Variants in ATF2 observed in about 807,000 individuals in gnomAD.
The protein encoded by ATF2 is activating transcription factor 2, also known as cyclic AMP-dependent transcription factor ATF-2.
A neutral mutation model predicts 60.6 loss-of-function variants in ATF2; 24 were observed. That is an observed-to-expected ratio of 0.40 (90% CI 0.29 to 0.56). The LOEUF (loss-of-function observed/expected upper bound fraction) is 0.56. ATF2 is among the 20% of genes least tolerant of loss of function. The pLI is 0.54. For synonymous variants in ATF2, 206 were observed against 215.4 expected, an observed-to-expected ratio of 0.96 and a Z score of 0.38; for missense variants, 433 against 607.7, an observed-to-expected ratio of 0.71 and a Z score of 3.02.
intron 10 of ATF2, among the ~76,000 whole-genome samples, chr2:175,103,026 C>A (rs1313665357): frequency 6.6e-6 from 1 of 152,178 alleles, no homozygotes; most frequent in Non-Finnish European, 1.5e-5. Context: ...GCTGACCAAT[C>A]TGACACATTC....
At chr2:175,122,706 A>G (rs1225105549) in intron 4 of ATF2, among the ~76,000 whole-genome samples, 1 of 152,026 alleles carries the variant, frequency 6.6e-6, no homozygotes, top group Non-Finnish European at 1.5e-5. Context: ...AGCACCTATC[A>G]TATTTTCATA....
At chr2:175,112,023 T>C (rs1048569084) in intron 9 of ATF2, among the ~76,000 whole-genome samples, 2 of 152,230 alleles carry the variant, frequency 1.3e-5, no homozygotes, top group Non-Finnish European at 2.9e-5. Flanking sequence ...TAAAAAATAA[T>C]TTCAACAATG....
chr2:175,117,145 T>C (rs1696631319), intron 7 of ATF2, among the ~76,000 whole-genome samples: 1 of 151,928 alleles, frequency 6.6e-6, no homozygotes. Context: ...TATGTGCTAA[T>C]AGGTGATTTT....
Position 175,156,169 on chromosome 2 carries a change from G to A in ATF2, c.-142-5011C>T, listed in dbSNP as rs149672315. On this transcript the variant is annotated intron_variant, in intron 1 of 13. Coordinates refer to ENST00000264110, the MANE Select transcript of ATF2 (RefSeq NM_001880.4). ...GCGGATCACCTGAGGTCAGGAGTTC[G>A]AGACCAGCCTGGCCAACATGGTGAA... Among the ~76,000 whole-genome samples, 42 of 151,722 alleles carry A rather than the reference G, an allele frequency of 2.8e-4. No homozygotes were observed. The East Asian group carries it at 7.4e-3, about 27-fold the overall frequency.
intron 7 of ATF2, among the ~76,000 whole-genome samples, chr2:175,115,950 C>T (rs1696528411): frequency 1.3e-5 from 2 of 152,006 alleles, no homozygotes; most frequent in African/African-American, 4.8e-5. Context: ...GAGAGCATTT[C>T]ATTGTAGGGA....
intron 1 of ATF2, among the ~76,000 whole-genome samples, chr2:175,165,461 G>C (rs1700293157): frequency 6.6e-6 from 1 of 152,190 alleles, no homozygotes; most frequent in Admixed American, 6.5e-5. Flanking sequence ...TACCAGACAA[G>C]AACGTATGTA....
chr2:175,129,223 A>G (rs1382716217), intron 4 of ATF2, among the ~76,000 whole-genome samples: 2 of 152,172 alleles, frequency 1.3e-5, no homozygotes, highest in African/African-American at 2.4e-5. Context: ...CATACATACT[A>G]TATGATTCCA....
chr2:175,152,927 T>G (rs1699407199), intron 1 of ATF2, among the ~76,000 whole-genome samples: 1 of 152,232 alleles, frequency 6.6e-6, no homozygotes, highest in African/African-American at 2.4e-5. Context: ...AATTGTTTCT[T>G]TCAGAGAAAT....
At chr2:175,108,405 G>C (rs1476296373) in intron 10 of ATF2, among the ~76,000 whole-genome samples, 1 of 151,080 alleles carries the variant, frequency 6.6e-6, no homozygotes, top group Non-Finnish European at 1.5e-5. Context: ...CGCCCCGTCC[G>C]GGAGGGAGGT....
At chr2:175,150,853 T>TTA (rs1699267570) in intron 2 of ATF2, among the ~76,000 whole-genome samples, 1 of 152,184 alleles carries the variant, frequency 6.6e-6, no homozygotes, top group Non-Finnish European at 1.5e-5. Context: ...CATTGTGCTT[T>TTA]TATATGCTCA....
At chr2:175,114,546 C>T (rs548556034) in intron 8 of ATF2, 144 bp downstream of exon 8, 11 of 1,384,084 alleles carry the variant, frequency 7.9e-6, no homozygotes, top group East Asian at 7.7e-5. Flanking sequence ...AAGAAGACTA[C>T]GCAAGTACTT....
chr2:175,137,205 G>A (rs1698198276), intron 2 of ATF2, among the ~76,000 whole-genome samples: 1 of 152,172 alleles, frequency 6.6e-6, no homozygotes, highest in Admixed American at 6.5e-5. Flanking sequence ...TGTGTAACTA[G>A]CCAAAGTTCA....
intron 10 of ATF2, among the ~76,000 whole-genome samples, chr2:175,107,429 TAAAATG>T (rs1453317308): frequency 6.6e-6 from 1 of 152,174 alleles, no homozygotes; most frequent in Non-Finnish European, 1.5e-5. Context: ...GTTTAGTCAA[TAAAATG>T]AAAATATATG....
chr2:175,091,591 C>T (rs1043650879), intron 12 of ATF2, among the ~76,000 whole-genome samples: 1 of 152,126 alleles, frequency 6.6e-6, no homozygotes, highest in African/African-American at 2.4e-5. Context: ...GGGCTGGGCA[C>T]AGTGGCTCAC....
chr2:175,149,257 T>C (rs901292482), intron 2 of ATF2, among the ~76,000 whole-genome samples: 5 of 152,056 alleles, frequency 3.3e-5, no homozygotes, highest in Non-Finnish European at 7.4e-5. Flanking sequence ...GCTGAGTTCT[T>C]CACACTTTAA....
chr2:175,078,875 T>C (rs1017321705), intron 13 of ATF2, among the ~76,000 whole-genome samples: 2 of 152,178 alleles, frequency 1.3e-5, no homozygotes, highest in Admixed American at 6.6e-5. Context: ...TGAAAATTTC[T>C]ACAAAATCCA....
At chr2:175,100,773 T>G (rs534218525) in intron 10 of ATF2, among the ~76,000 whole-genome samples, 41 of 152,344 alleles carry the variant, frequency 2.7e-4, no homozygotes, top group African/African-American at 9.1e-4. Context: ...CCTCTGCCTT[T>G]GCCTCTTTTA....
chr2:175,135,332 C>T (rs528296632), intron 3 of ATF2, among the ~76,000 whole-genome samples: 56 of 152,198 alleles, frequency 3.7e-4, no homozygotes, highest in African/African-American at 1.2e-3. Flanking sequence ...TGTCAAAAGT[C>T]GAAAGTGAAT....
intron 1 of ATF2, among the ~76,000 whole-genome samples, chr2:175,159,026 T>G (rs58215270): frequency 9.3e-4 from 141 of 152,278 alleles, no homozygotes; most frequent in African/African-American, 3.4e-3. Flanking sequence ...GACTTTTAGA[T>G]AAGAGTTTTG....
Sources: gnomAD v4.1 joint callset for allele counts (sites outside exome capture counted in the v4.1 genomes callset) on GRCh38, gnomAD v4.1.1 for gene constraint, MANE v1.5 for transcripts, NCBI Gene and HGNC (gene_info 2026-07-23, HGNC 2026-07-21) for gene names.